The following USP53 variants were observed in gnomAD, a reference collection of about 807,000 sequenced individuals.
The protein encoded by USP53 is ubiquitin specific peptidase 53, also known as ubiquitin carboxyl-terminal hydrolase 53.
Under a neutral mutation model 94.9 loss-of-function variants are expected in USP53, and 71 were observed. The ratio of observed to expected loss-of-function variants is 0.75; its 90% CI spans 0.62 to 0.91. The LOEUF (loss-of-function observed/expected upper bound fraction) is 0.91, where lower values mean the gene tolerates loss of function less well. USP53 is among the 40% of genes least tolerant of loss of function. USP53 has a pLI of 0.00. For missense variants in USP53, 1,173 were observed against 1,281.0 expected (o/e 0.92, Z 1.29); for synonymous variants, 375 against 422.7 (o/e 0.89, Z 1.39).
intron 9 of USP53, among the ~76,000 whole-genome samples, chr4:119,256,739 C>T (rs946833766): frequency 4.6e-5 from 7 of 152,076 alleles, no homozygotes; most frequent in Admixed American, 1.3e-4. Flanking sequence ...GTACATAATA[C>T]TAGTTAAATT....
chr4:119,291,797 G>T (rs767537237), intron 18 of USP53, among the ~76,000 whole-genome samples: 7 of 151,966 alleles, frequency 4.6e-5, no homozygotes, highest in Non-Finnish European at 8.8e-5. Flanking sequence ...GAGGCAGCAG[G>T]ATCACTTGAG....
intron 12 of USP53, 117 bp downstream of exon 12, chr4:119,261,981 A>G: frequency 1.1e-6 from 1 of 932,474 alleles, no homozygotes; most frequent in Non-Finnish European, 1.4e-6. Flanking sequence ...AAATAGTAAT[A>G]AATGAACATG....
rs544815266 is a variant in USP53 at position 119,270,482 on chromosome 4, C to G, written c.1435+645C>G. 2.6e-5 allele frequency among the ~76,000 whole-genome samples: 4 copies of G among 152,110 alleles called. No homozygotes were observed. The South Asian group carries it at 6.2e-4, about 24-fold the overall frequency. ...TATCCTGGTTTGTTCTTAATTCTAA[C>G]CTGGGATACTTGTATATATGTGTTT... On this transcript the variant is annotated intron_variant, in intron 15 of 18. Transcript: ENST00000692078.
At position 119,291,257 on chromosome 4, in the gene USP53, A is replaced by T; in HGVS notation, c.2344A>T (p.Lys782Ter). ...SHLQIKNHLI[K>*]RSHVHEDNGK... ...TTTACAAATAAAAAATCATTTGATA[A>T]AAAGGTAACCATATTTTTTTTCCCT... Residue 782 changes from lysine (K) to a stop codon, truncating the protein, a stop_gained, in exon 18 of 19, where the codon AAA (lysine) becomes TAA (stop). Transcript: ENST00000692078. LOFTEE classifies it low-confidence loss of function (END_TRUNC). The T allele has an allele frequency of 6.4e-7, 1 of 1,571,086 alleles. No homozygotes were observed. The highest frequency in any genetic ancestry group is 8.6e-7 in the Non-Finnish European group (1 of 1,158,454).
rs1307368191 is a variant in USP53 at position 119,291,225 on chromosome 4, A to C, written c.2312A>C (p.Glu771Ala). ...TATAAATCTCATGAATTCCACCCAGAATCACATTTACAAATAAAAAATCAT... is the reference window on the plus strand; with the variant it reads ...TATAAATCTCATGAATTCCACCCAGCATCACATTTACAAATAAAAAATCAT... ...AGYKSHEFHP[E>A]SHLQIKNHLI... Residue 771 changes from glutamate (E) to alanine (A), a missense_variant, in exon 18 of 19, where the codon GAA (glutamate) becomes GCA (alanine). Transcript: ENST00000692078. The C allele has an allele frequency of 1.9e-6, 3 of 1,595,952 alleles. No homozygotes were observed. Among genetic ancestry groups the C allele is most frequent in the Non-Finnish European group, 2.6e-6 (3 of 1,172,102 alleles).
intron 5 of USP53, among the ~76,000 whole-genome samples, chr4:119,241,791 A>G (rs1747582756): frequency 6.6e-6 from 1 of 152,122 alleles, no homozygotes; most frequent in Non-Finnish European, 1.5e-5. Flanking sequence ...TTCTTCAAAT[A>G]ATTTTTCTGT....
rs1430434986 is a variant in USP53 at position 119,279,649 on chromosome 4, G to A, written c.2251+5941G>A. Among the ~76,000 whole-genome samples, 3 of 152,144 alleles carry A rather than the reference G, an allele frequency of 2.0e-5. No individual in the cohort carries two copies. The East Asian group carries it at 5.8e-4, about 30-fold the overall frequency. On this transcript the variant is annotated intron_variant, in intron 17 of 18. Transcript: ENST00000692078. The stretch of plus-strand genomic sequence containing the variant: ...TCCACCCAGTTCGAGCTTCCTGGCT[G>A]CTTTGTTTACCTAAGCAAGCCTGGG...
In USP53 at chr4:119,269,852, T is replaced by A; in HGVS notation, c.1435+15T>A. 3 of 1,343,612 alleles carry A rather than the reference T, an allele frequency of 2.2e-6. No homozygotes were observed. Among genetic ancestry groups the A allele is most frequent in the Non-Finnish European group, 2.9e-6 (3 of 1,038,264 alleles). The allele number at this position is 1,343,612 out of a possible 1,614,324, so 83.2% of individuals were successfully genotyped here. On this transcript the variant is annotated intron_variant, in intron 15 of 18. Transcript: ENST00000692078. ...ACGACATAGAGGTAAGTTAAGATCT[T>A]GTACTATTGATTTTAAAAGGAACTT...
rs1754995078 is a variant in USP53 at position 119,293,481 on chromosome 4, TTAGA to T, written c.*273_*276del. 1 of 268,068 alleles carries T rather than the reference TTAGA, an allele frequency of 3.7e-6. No homozygotes were observed. The highest frequency in any genetic ancestry group is 1.5e-4 in the South Asian group (1 of 6,726). 16.6% of individuals were successfully genotyped at this position (268,068 alleles called of 1,614,324 possible). A position where few individuals can be genotyped will look rare whatever the true frequency, so the allele number is the denominator to read the frequency against. ...CATATATAATTTTATGATCAATATC[TTAGA>T]TATTTTAGAAATTCCCTTTGAATAG... On this transcript the variant is annotated 3_prime_UTR_variant, in exon 19 of 19. Transcript: ENST00000692078.
chr4:119,249,824 C>T (rs980054491), intron 7 of USP53, among the ~76,000 whole-genome samples: 25 of 151,798 alleles, frequency 1.6e-4, no homozygotes, highest in African/African-American at 5.8e-4. Flanking sequence ...GCCACCATGC[C>T]CGGCTAATTT....
chr4:119,219,425 T>C (rs576379195), intron 3 of USP53: 7 of 152,350 alleles, frequency 4.6e-5, no homozygotes, highest in African/African-American at 1.7e-4. Flanking sequence ...CTTCTTATAA[T>C]GACTGCTACC....
chr4:119,253,078 G>T (rs1003145387), intron 7 of USP53, among the ~76,000 whole-genome samples: 3 of 151,990 alleles, frequency 2.0e-5, no homozygotes, highest in African/African-American at 7.3e-5. Context: ...TTCTAATTTG[G>T]TTGCACTGTG....
chr4:119,273,876 G>A (rs1447042925), intron 17 of USP53, among the ~76,000 whole-genome samples, 168 bp downstream of exon 17: 2 of 151,754 alleles, frequency 1.3e-5, no homozygotes, highest in Non-Finnish European at 2.9e-5. Flanking sequence ...ATGTTTTAAT[G>A]AAGTACATGT....
intron 17 of USP53, among the ~76,000 whole-genome samples, chr4:119,283,187 T>A (rs1753703665): frequency 1.3e-5 from 2 of 151,978 alleles, no homozygotes; most frequent in Admixed American, 6.6e-5. Flanking sequence ...GCCCCTGTTT[T>A]AAAATGGAAT....
intron 7 of USP53, among the ~76,000 whole-genome samples, chr4:119,254,845 C>T (rs557805204): frequency 6.6e-6 from 1 of 152,280 alleles, no homozygotes; most frequent in African/African-American, 2.4e-5. Context: ...TGCTTTCTCC[C>T]CATCTTTGTG....
intron 10 of USP53, 24 bp from the exon 11 acceptor site, chr4:119,260,483 T>A (rs774319834): frequency 1.9e-6 from 3 of 1,606,984 alleles, no homozygotes; most frequent in East Asian, 2.2e-5. Context: ...TTCATAATTT[T>A]AAAACTTTTA....
intron 9 of USP53, among the ~76,000 whole-genome samples, chr4:119,259,188 T>C (rs1385195342): frequency 6.7e-6 from 1 of 149,762 alleles, no homozygotes; most frequent in Non-Finnish European, 1.5e-5. Context: ...GGCTGAGGCA[T>C]GAGAATCACT....
intron 3 of USP53, among the ~76,000 whole-genome samples, chr4:119,228,702 A>G (rs546175305): frequency 6.6e-6 from 1 of 152,278 alleles, no homozygotes; most frequent in East Asian, 1.9e-4. Context: ...AGGTTTGTCA[A>G]AACTTACTGA....
chr4:119,266,368 A>G (rs1470996095), intron 12 of USP53: 7 of 455,962 alleles, frequency 1.5e-5, no homozygotes, highest in African/African-American at 4.0e-5. Context: ...GAAACTGTCA[A>G]ATTGATTTCC....
Sources: gnomAD v4.1 joint callset for allele counts (sites outside exome capture counted in the v4.1 genomes callset) on GRCh38, gnomAD v4.1.1 for gene constraint, MANE v1.5 for transcripts, NCBI Gene and HGNC (gene_info 2026-07-23, HGNC 2026-07-21) for gene names.